Variants in FOXJ3 observed in about 807,000 individuals in gnomAD.
FOXJ3 encodes the protein forkhead box protein J3.
In FOXJ3, 22 loss-of-function variants were observed where a neutral mutation model predicts 76.1. The ratio of observed to expected loss-of-function variants is 0.29; its 90% CI spans 0.21 to 0.41. The LOEUF is 0.41. Among genes scored for constraint, FOXJ3 ranks in the 10% least tolerant of loss-of-function variants. The pLI, the probability that FOXJ3 is intolerant of heterozygous loss-of-function variation, is 1.00. For missense variants in FOXJ3, 613 were observed against 762.1 expected (o/e 0.80, Z 2.30); for synonymous variants, 269 against 261.2 (o/e 1.03, Z -0.29).
intron 3 of FOXJ3, among the ~76,000 whole-genome samples, chr1:42,273,042 CCACT>C (rs1217145575): frequency 6.6e-6 from 1 of 152,176 alleles, no homozygotes; most frequent in East Asian, 1.9e-4. Context: ...TTACTCTGTA[CCACT>C]CAATTTAGAT....
At chr1:42,295,379 CAT>C (rs1358615746) in intron 2 of FOXJ3, among the ~76,000 whole-genome samples, 1 of 152,154 alleles carries the variant, frequency 6.6e-6, no homozygotes, top group African/African-American at 2.4e-5. Context: ...CTGAAAAGTA[CAT>C]GATTTCATTC....
intron 4 of FOXJ3, among the ~76,000 whole-genome samples, chr1:42,253,253 C>A (rs1355797996): frequency 6.7e-6 from 1 of 149,422 alleles, no homozygotes; most frequent in Non-Finnish European, 1.5e-5. Context: ...ATCCAACTTA[C>A]AAGGGATGTG....
intron 2 of FOXJ3, among the ~76,000 whole-genome samples, chr1:42,304,533 C>T (rs111959219): frequency 0.035 from 5,286 of 152,100 alleles, 125 homozygotes; most frequent in Non-Finnish European, 0.056. Flanking sequence ...CAAAACAGTA[C>T]GGTACTGGCA....
intron 2 of FOXJ3, among the ~76,000 whole-genome samples, chr1:42,286,981 C>T (rs1455497717): frequency 1.3e-5 from 2 of 151,574 alleles, no homozygotes; most frequent in Non-Finnish European, 2.9e-5. Flanking sequence ...TTCTTAAAAT[C>T]TCCAAGGGAA....
At chr1:42,226,021 AAG>A (rs1446295182) in intron 5 of FOXJ3, among the ~76,000 whole-genome samples, 1 of 152,216 alleles carries the variant, frequency 6.6e-6, no homozygotes, top group East Asian at 1.9e-4. Context: ...GCAAATAGAG[AAG>A]AACGCAATTC....
At chr1:42,303,765 T>C (rs975193067) in intron 2 of FOXJ3, among the ~76,000 whole-genome samples, 4 of 152,210 alleles carry the variant, frequency 2.6e-5, no homozygotes, top group Admixed American at 2.6e-4. Context: ...CAAGTACTAC[T>C]GTGTCCCAAG....
At position 42,235,333 on chromosome 1, in the gene FOXJ3, C is replaced by T. The variant is rs932258789; in HGVS notation, c.445-7367G>A. On this transcript the variant is annotated intron_variant, in intron 4 of 12. Coordinates refer to ENST00000361346, the MANE Select transcript of FOXJ3 (RefSeq NM_014947.5). ...TTCTTTGACTAGGAAAGGGAATTCC[C>T]TGACCCCTTGCGTTTTTCGGGTGAG... is the stretch of plus-strand genomic sequence containing the variant. Among the ~76,000 whole-genome samples the T allele has an allele frequency of 3.3e-5, 5 of 152,232 alleles. No individual in the cohort carries two copies. In the East Asian group the frequency reaches 7.7e-4, roughly 23 times the overall value.
chr1:42,262,295 C>T (rs1473030769), intron 4 of FOXJ3, among the ~76,000 whole-genome samples: 1 of 152,122 alleles, frequency 6.6e-6, no homozygotes, highest in South Asian at 2.1e-4. Flanking sequence ...GTATGTCTGG[C>T]GAATATGCCT....
intron 1 of FOXJ3, chr1:42,315,521 T>C (rs1202663483): frequency 7.4e-6 from 3 of 404,382 alleles, no homozygotes; most frequent in African/African-American, 6.5e-5. Context: ...TTCTAACTTC[T>C]AGTTATCTTT....
chr1:42,313,272 G>C (rs1330832035), intron 1 of FOXJ3, among the ~76,000 whole-genome samples: 2 of 151,856 alleles, frequency 1.3e-5, no homozygotes, highest in African/African-American at 4.8e-5. Context: ...GGGAGGCAGA[G>C]GTTGCAGTGA....
intron 2 of FOXJ3, among the ~76,000 whole-genome samples, chr1:42,304,431 C>T (rs1301774617): frequency 6.6e-6 from 1 of 152,012 alleles, no homozygotes; most frequent in African/African-American, 2.4e-5. Flanking sequence ...CCACCAAAGA[C>T]TCAGAATACC....
intron 2 of FOXJ3, among the ~76,000 whole-genome samples, chr1:42,284,568 C>A (rs1195432280): frequency 1.3e-5 from 2 of 152,180 alleles, no homozygotes; most frequent in East Asian, 3.9e-4. Flanking sequence ...GCTGAAAAAA[C>A]CAAGTGCTTC....
intron 2 of FOXJ3, 51 bp downstream of exon 2, chr1:42,310,995 TCTAA>T: frequency 9.3e-7 from 1 of 1,071,794 alleles, no homozygotes. Flanking sequence ...AGGTGACCAG[TCTAA>T]CTTTTAAAAT....
At chr1:42,239,059 T>G (rs1211170231) in intron 4 of FOXJ3, among the ~76,000 whole-genome samples, 3 of 152,236 alleles carry the variant, frequency 2.0e-5, no homozygotes, top group Admixed American at 6.5e-5. Flanking sequence ...TATTTTGCTT[T>G]TGTTAACTTC....
At position 42,231,596 on chromosome 1, in the gene FOXJ3, A is replaced by T. The variant is rs1358254148; in HGVS notation, c.445-3630T>A. Among the ~76,000 whole-genome samples the T allele has an allele frequency of 2.6e-5, 4 of 152,294 alleles. No individual in the cohort carries two copies. In the East Asian group the frequency reaches 5.8e-4, roughly 22 times the overall value. On this transcript the variant is annotated intron_variant, in intron 4 of 12. Transcript: ENST00000361346. ...ATGTGAATGAACTTAATATTACTGA[A>T]CTGTACACCTAAAATGATTCAAATG...
chr1:42,212,788 G>A (rs1045976308), intron 5 of FOXJ3, among the ~76,000 whole-genome samples: 2 of 151,960 alleles, frequency 1.3e-5, no homozygotes, highest in African/African-American at 4.8e-5. Context: ...AAGTCAAAGT[G>A]AAAGAAAGAA....
chr1:42,231,984 T>C (rs1648183324), intron 4 of FOXJ3, among the ~76,000 whole-genome samples: 1 of 152,148 alleles, frequency 6.6e-6, no homozygotes, highest in East Asian at 1.9e-4. Context: ...GTGTGTGATG[T>C]TCTCCTTCCT....
rs767738348 is a variant in FOXJ3, at chr1:42,311,039, A to G, written c.44+11T>C. 2.6e-6 allele frequency: 4 copies of G among 1,555,474 alleles called. No homozygotes were observed. The Admixed American group carries it at 7.9e-5, about 31-fold the overall frequency. On this transcript the variant is annotated intron_variant, in intron 2 of 12. Transcript: ENST00000361346. ...TATGTTCTAATAAAGAAAAAAAAAA[A>G]GAGCACTCACCTTAATGAAGTTACA...
chr1:42,198,452 T>C (rs1231110888), intron 7 of FOXJ3, among the ~76,000 whole-genome samples: 1 of 152,204 alleles, frequency 6.6e-6, no homozygotes, highest in Non-Finnish European at 1.5e-5. Flanking sequence ...AAATTTACAC[T>C]GACAAACAAT....
Sources: allele counts gnomAD v4.1 joint callset (sites outside exome capture counted in the v4.1 genomes callset), GRCh38; gene constraint gnomAD v4.1.1; transcripts MANE v1.5; gene names NCBI Gene and HGNC (gene_info 2026-07-23, HGNC 2026-07-21).